Variants in SLC2A9 observed in about 807,000 individuals in gnomAD.
SLC2A9 encodes the protein solute carrier family 2, facilitated glucose transporter member 9.
SLC2A9 carries 39 observed loss-of-function variants against 50.6 expected under a neutral mutation model. That is an observed-to-expected ratio of 0.77 (90% CI 0.60 to 1.01). The LOEUF (loss-of-function observed/expected upper bound fraction) is 1.01. Among genes scored for constraint, SLC2A9 ranks in the 50% least tolerant of loss-of-function variants. The pLI is 0.00. For missense variants in SLC2A9, 686 were observed against 677.6 expected, an observed-to-expected ratio of 1.01 and a Z score of -0.14; for synonymous variants, 324 against 276.9, an observed-to-expected ratio of 1.17 and a Z score of -1.69.
At chr4:9,888,638 G>T (rs566471077) in intron 9 of SLC2A9, among the ~76,000 whole-genome samples, 2 of 152,166 alleles carry the variant, frequency 1.3e-5, no homozygotes, top group Admixed American at 1.3e-4. Flanking sequence ...CATCTCTGTA[G>T]GCTGAGCCAG....
At chr4:9,783,178 GGT>G in intron 3 of SLC2A9, 1 of 1,614,196 alleles carries the variant, frequency 6.2e-7, no homozygotes, top group South Asian at 1.1e-5. Context: ...CCCGCACGCC[GGT>G]GGAGACGGTG....
At chr4:9,808,680 T>A (rs1026733803) in intron 3 of SLC2A9, among the ~76,000 whole-genome samples, 3 of 152,212 alleles carry the variant, frequency 2.0e-5, no homozygotes, top group Admixed American at 6.5e-5. Flanking sequence ...ATTGCCCACA[T>A]GCAGGATGAT....
intron 11 of SLC2A9, among the ~76,000 whole-genome samples, chr4:9,831,607 CAGAG>C (rs1187502243): frequency 2.0e-5 from 3 of 152,140 alleles, no homozygotes; most frequent in Admixed American, 6.5e-5. Flanking sequence ...CGCTGCCGCC[CAGAG>C]AAAGAGAGAG....
At chr4:9,805,129 C>A (rs1037649362) in intron 3 of SLC2A9, among the ~76,000 whole-genome samples, 2 of 152,176 alleles carry the variant, frequency 1.3e-5, no homozygotes, top group African/African-American at 4.8e-5. Context: ...CTGAGTTAGG[C>A]CACATGACAC....
At chr4:10,032,067 C>G (rs1763955771) in intron 1 of SLC2A9, among the ~76,000 whole-genome samples, 1 of 152,230 alleles carries the variant, frequency 6.6e-6, no homozygotes, top group South Asian at 2.1e-4. Flanking sequence ...CCACCCTATT[C>G]TAGGCATTAT....
intron 10 of SLC2A9, among the ~76,000 whole-genome samples, chr4:9,842,138 T>C (rs1214705230): frequency 6.6e-6 from 1 of 152,220 alleles, no homozygotes; most frequent in Non-Finnish European, 1.5e-5. Context: ...TTATTGATTT[T>C]AACGACTCTT....
At chr4:9,993,437 C>T (rs753378267) in intron 3 of SLC2A9, among the ~76,000 whole-genome samples, 4 of 152,036 alleles carry the variant, frequency 2.6e-5, no homozygotes, top group Non-Finnish European at 5.9e-5. Flanking sequence ...AAAGGCTGGG[C>T]GAAGAGTCTG....
intron 7 of SLC2A9, among the ~76,000 whole-genome samples, chr4:9,908,890 T>A (rs1213707871): frequency 6.6e-6 from 1 of 152,166 alleles, no homozygotes; most frequent in Non-Finnish European, 1.5e-5. Flanking sequence ...GGAGGTCTGC[T>A]TCCATTTTTG....
chr4:10,031,995 C>T (rs905343396), intron 1 of SLC2A9, among the ~76,000 whole-genome samples: 13 of 152,198 alleles, frequency 8.5e-5, no homozygotes, highest in African/African-American at 3.1e-4. Context: ...TTTAGCTTCA[C>T]TCATTCATGC....
intron 10 of SLC2A9, among the ~76,000 whole-genome samples, chr4:9,859,887 C>T (rs749041424): frequency 5.4e-4 from 82 of 152,188 alleles, no homozygotes; most frequent in Admixed American, 1.7e-3. Context: ...CTGTGACAAG[C>T]GGCCTCTGCA....
intron 10 of SLC2A9, among the ~76,000 whole-genome samples, chr4:9,885,286 T>C (rs892154485): frequency 1.3e-5 from 2 of 152,208 alleles, no homozygotes; most frequent in Admixed American, 6.5e-5. Flanking sequence ...AGGTGCTCAA[T>C]AAAGGCTTGA....
intron 3 of SLC2A9, chr4:9,781,963 G>A: frequency 2.3e-6 from 3 of 1,332,262 alleles, no homozygotes; most frequent in Non-Finnish European, 2.9e-6. Context: ...TGCCCGATGG[G>A]GCTGCCTGGG....
At chr4:9,952,187 A>G (rs1398503283) in intron 5 of SLC2A9, among the ~76,000 whole-genome samples, 1 of 152,238 alleles carries the variant, frequency 6.6e-6, no homozygotes, top group Non-Finnish European at 1.5e-5. Context: ...TAGGGGCTTT[A>G]TAAGTGCTTG....
At chr4:9,981,652 T>G (rs1395121597) in intron 4 of SLC2A9, among the ~76,000 whole-genome samples, 3 of 152,188 alleles carry the variant, frequency 2.0e-5, no homozygotes, top group African/African-American at 7.2e-5. Context: ...CAGCTAACAT[T>G]GCCTCTTGTC....
chr4:9,782,944 C>T lies in SLC2A9; in HGVS notation n.386-2879G>A, dbSNP rs756520235. 12 of 1,613,772 alleles carry T rather than the reference C, an allele frequency of 7.4e-6. No individual in the cohort carries two copies. In the African/African-American group the frequency reaches 1.5e-4, roughly 20 times the overall value. ...CCCTGTCGGTGATCATGGGGGTCTTCGTGTGTTGCTGGCTGCCCTTCTTCA... is the reference window on the plus strand; with the variant it reads ...CCCTGTCGGTGATCATGGGGGTCTTTGTGTGTTGCTGGCTGCCCTTCTTCA... On this transcript the variant is annotated intron_variant and non_coding_transcript_variant, in intron 3 of 3. Transcript: ENST00000503803.
chr4:9,839,274 C>T (rs1459495121), intron 10 of SLC2A9, among the ~76,000 whole-genome samples: 1 of 151,978 alleles, frequency 6.6e-6, no homozygotes, highest in Non-Finnish European at 1.5e-5. Context: ...TAAATCAAAA[C>T]CACAATGAGA....
chr4:9,949,976 A>G (rs1215588095), intron 5 of SLC2A9, among the ~76,000 whole-genome samples: 1 of 152,122 alleles, frequency 6.6e-6, no homozygotes, highest in African/African-American at 2.4e-5. Flanking sequence ...CGTCCCTCCC[A>G]ACAACTGCCT....
intron 3 of SLC2A9, 80 bp downstream of exon 3, chr4:9,996,701 G>A (rs1758734813): frequency 6.6e-7 from 1 of 1,520,786 alleles, no homozygotes; most frequent in South Asian, 1.2e-5. Context: ...GAGTTCTGTT[G>A]CCTGTCAGGA....
At chr4:10,020,407 G>A (rs1763362523) in intron 1 of SLC2A9, among the ~76,000 whole-genome samples, 1 of 152,160 alleles carries the variant, frequency 6.6e-6, no homozygotes, top group African/African-American at 2.4e-5. Context: ...CACATATGTT[G>A]TTGAGGAGCC....
Sources: allele counts gnomAD v4.1 joint callset (sites outside exome capture counted in the v4.1 genomes callset), GRCh38; gene constraint gnomAD v4.1.1; transcripts MANE v1.5; gene names NCBI Gene and HGNC (gene_info 2026-07-23, HGNC 2026-07-21).